The following SPATS1 variants were observed in gnomAD, a reference collection of about 807,000 sequenced individuals.
SPATS1 encodes spermatogenesis-associated serine-rich protein 1.
In SPATS1, 23 loss-of-function variants were observed where a neutral mutation model predicts 33.6. The ratio of observed to expected loss-of-function variants is 0.68; its 90% CI spans 0.49 to 0.97. The LOEUF is 0.97. Ranked by LOEUF, SPATS1 falls within the 50% of genes least tolerant of loss-of-function variation. The pLI, the probability that SPATS1 is intolerant of heterozygous loss-of-function variation, is 0.00. For missense variants in SPATS1, 327 were observed against 361.0 expected (o/e 0.91, Z 0.76); for synonymous variants, 131 against 125.6 (o/e 1.04, Z -0.29).
At chr6:44,371,607 C>T (rs1480260415) in intron 7 of SPATS1, among the ~76,000 whole-genome samples, 16 of 152,138 alleles carry the variant, frequency 1.1e-4, no homozygotes. Flanking sequence ...TTCCTATTTT[C>T]ATGTTTTCCT....
chr6:44,363,945 C>T (rs951925099), intron 5 of SPATS1, among the ~76,000 whole-genome samples: 5 of 152,098 alleles, frequency 3.3e-5, no homozygotes, highest in African/African-American at 1.2e-4. Context: ...TCCATCTTTC[C>T]TCCTCCAACT....
At chr6:44,370,716 G>C (rs538782423) in intron 7 of SPATS1, among the ~76,000 whole-genome samples, 1 of 152,202 alleles carries the variant, frequency 6.6e-6, no homozygotes, top group Admixed American at 6.5e-5. Context: ...AGCTCAGTGG[G>C]AATAAAAACC....
At chr6:44,363,248 C>T (rs969616393) in intron 5 of SPATS1, among the ~76,000 whole-genome samples, 19 of 152,216 alleles carry the variant, frequency 1.2e-4, no homozygotes, top group African/African-American at 4.6e-4. Context: ...CAGGCTCAAG[C>T]AATCCTCTAA....
intron 7 of SPATS1, among the ~76,000 whole-genome samples, chr6:44,371,051 T>C (rs1318571490): frequency 6.6e-6 from 1 of 151,834 alleles, no homozygotes; most frequent in Non-Finnish European, 1.5e-5. Context: ...CCCAGCACTT[T>C]GGGAGGCCAA....
chr6:44,343,828 C>T (rs550318288), intron 2 of SPATS1, among the ~76,000 whole-genome samples: 2 of 152,306 alleles, frequency 1.3e-5, no homozygotes, highest in African/African-American at 4.8e-5. Flanking sequence ...CAGAGTGCGC[C>T]TGCGCTCAAG....
intron 2 of SPATS1, among the ~76,000 whole-genome samples, chr6:44,349,031 T>C (rs1170693014): frequency 6.6e-6 from 1 of 152,124 alleles, no homozygotes; most frequent in Admixed American, 6.5e-5. Flanking sequence ...CTCGGGAGGC[T>C]GAGACAGGAG....
rs1353028446 is a variant in SPATS1, at chr6:44,355,191, C to G, written c.287+2318C>G. On this transcript the variant is annotated intron_variant, in intron 3 of 8. Transcript: ENST00000674044. ...TCCCACCCCTCCCACCCCCTGGCAACCGCAGATATTTTTACTGTCTCCATA... is the reference window on the plus strand; with the variant it reads ...TCCCACCCCTCCCACCCCCTGGCAAGCGCAGATATTTTTACTGTCTCCATA... Among the ~76,000 whole-genome samples the G allele has an allele frequency of 2.2e-5, 3 of 137,770 alleles. No homozygotes were observed. The Admixed American group carries it at 2.4e-4, about 11-fold the overall frequency. The allele number at this position is 137,770 out of a possible 152,430, so 90.4% of individuals were successfully genotyped here.
chr6:44,361,715 A>G (rs537978492), intron 4 of SPATS1, 116 bp from the exon 5 acceptor site: 24 of 1,385,848 alleles, frequency 1.7e-5, no homozygotes, highest in South Asian at 3.8e-5. Flanking sequence ...GATTATACAC[A>G]TTAATTAAAG....
chr6:44,377,087 G>A lies in SPATS1; in HGVS notation c.*24G>A. 2.5e-6 allele frequency: 4 copies of A among 1,614,174 alleles called. No homozygotes were observed. Among genetic ancestry groups the A allele is most frequent in the Non-Finnish European group, 2.5e-6 (3 of 1,179,996 alleles). On this transcript the variant is annotated 3_prime_UTR_variant, in exon 9 of 9. Transcript: ENST00000674044. ...GAGCATAAACAGGCCCACAAAACAT[G>A]TGCTGACTGCACTCTGGCGACCCTT...
At chr6:44,376,754 T>C (rs946098024) in intron 8 of SPATS1, among the ~76,000 whole-genome samples, 1 of 152,062 alleles carries the variant, frequency 6.6e-6, no homozygotes, top group African/African-American at 2.4e-5. Flanking sequence ...GAGCTGAGAT[T>C]GTGCCACTTG....
At chr6:44,371,325 A>G (rs983337882) in intron 7 of SPATS1, among the ~76,000 whole-genome samples, 28 of 151,802 alleles carry the variant, frequency 1.8e-4, no homozygotes, top group African/African-American at 6.3e-4. Context: ...AAGAGAGAGA[A>G]GTCGATCAGC....
chr6:44,351,122 C>CAAAAAAAAAA (rs34139961), intron 2 of SPATS1, among the ~76,000 whole-genome samples: 30 of 75,482 alleles, frequency 4.0e-4, no homozygotes, highest in East Asian at 1.0e-3. Flanking sequence ...GACTCTGTGT[C>CAAAAAAAAAA]AAAAAAAAAA....
chr6:44,344,576 T>G (rs1203075544), intron 2 of SPATS1, among the ~76,000 whole-genome samples: 1 of 152,148 alleles, frequency 6.6e-6, no homozygotes, highest in Admixed American at 6.5e-5. Context: ...TAAATGAGTA[T>G]CCATGTTAAA....
rs898654285 is a variant in SPATS1 at position 44,377,318 on chromosome 6, C to T, written c.*255C>T. On this transcript the variant is annotated 3_prime_UTR_variant, in exon 9 of 9. Coordinates refer to ENST00000674044, the MANE Select transcript of SPATS1 (RefSeq NM_001372081.1). ...ATATTTGTTCAAACTTTCTCTCTCT[C>T]ACAATATTACAGTTACCATTTTGCT... is the stretch of plus-strand genomic sequence containing the variant. 16 of 551,174 alleles carry T rather than the reference C, an allele frequency of 2.9e-5. No individual in the cohort carries two copies. Among genetic ancestry groups the T allele is most frequent in the Non-Finnish European group, 4.9e-5 (15 of 308,540 alleles). 34.1% of individuals were successfully genotyped at this position (551,174 alleles called of 1,614,324 possible).
Position 44,346,278 on chromosome 6 carries a change from C to G in SPATS1, c.139+3044C>G. On this transcript the variant is annotated intron_variant, in intron 2 of 8. Coordinates refer to ENST00000674044, the MANE Select transcript of SPATS1 (RefSeq NM_001372081.1). ...CCTGGGTGACAGAACAAGACCCTGTCTCAAAAAAAAAAACAAACCCACAAA... is the reference window on the plus strand; with the variant it reads ...CCTGGGTGACAGAACAAGACCCTGTGTCAAAAAAAAAAACAAACCCACAAA... Among the ~76,000 whole-genome samples the G allele has an allele frequency of 5.4e-5, 3 of 55,506 alleles. No homozygotes were observed. In the East Asian group the frequency reaches 1.1e-3, roughly 20 times the overall value. 36.4% of individuals were successfully genotyped at this position (55,506 alleles called of 152,430 possible).
chr6:44,351,841 A>G (rs1021421997), intron 2 of SPATS1, among the ~76,000 whole-genome samples: 1 of 152,218 alleles, frequency 6.6e-6, no homozygotes, highest in African/African-American at 2.4e-5. Context: ...TATGGATTCT[A>G]CTAAGATGAA....
chr6:44,364,806 C>CTTTCT (rs759637979), intron 5 of SPATS1, among the ~76,000 whole-genome samples: 3 of 134,502 alleles, frequency 2.2e-5, no homozygotes, highest in African/African-American at 8.1e-5. Context: ...TTCTTTCTTT[C>CTTTCT]TTTTTTTTTT....
At chr6:44,347,049 A>G (rs1787935309) in intron 2 of SPATS1, among the ~76,000 whole-genome samples, 1 of 152,244 alleles carries the variant, frequency 6.6e-6, no homozygotes, top group African/African-American at 2.4e-5. Flanking sequence ...CAGCCATAAA[A>G]AAGGATGAGT....
At chr6:44,342,916 A>ACGAGTTT in intron 1 of SPATS1, 148 bp downstream of exon 1, 1 of 1,246,298 alleles carries the variant, frequency 8.0e-7, no homozygotes, top group South Asian at 1.4e-5. Context: ...TGGGGCTCCC[A>ACGAGTTT]GGGCTTCCAA....
Sources: allele counts gnomAD v4.1 joint callset (sites outside exome capture counted in the v4.1 genomes callset), GRCh38; gene constraint gnomAD v4.1.1; transcripts MANE v1.5; gene names NCBI Gene and HGNC (gene_info 2026-07-23, HGNC 2026-07-21).